GRK4: variants seen among roughly 807,000 people sequenced by gnomAD.
The protein encoded by GRK4 is G protein-coupled receptor kinase 2-like.
GRK4 carries 73 observed loss-of-function variants against 77.9 expected under a neutral mutation model. That is an observed-to-expected ratio of 0.94 (90% CI 0.78 to 1.14). The LOEUF (loss-of-function observed/expected upper bound fraction) is 1.14, where lower values mean the gene tolerates loss of function less well. GRK4 is among the 50% of genes most tolerant of loss of function. GRK4 has a pLI of 0.00. For synonymous variants in GRK4, 257 were observed against 254.4 expected (o/e 1.01, Z -0.10); for missense variants, 729 against 700.2 (o/e 1.04, Z -0.46).
At position 3,037,453 on chromosome 4, in the gene GRK4, A is replaced by T. The variant is rs1578427940; in HGVS notation, c.1487A>T (p.Asp496Val). Residue 496 changes from aspartate to valine, a missense_variant, in exon 14 of 16, where the codon GAT (aspartate) becomes GTT (valine). Coordinates refer to ENST00000398052, the MANE Select transcript of GRK4 (RefSeq NM_182982.3). ...AAAGGGATCTACCTGGACACCGCAG[A>T]TGAAGACTTCTATGCTCGGTTTGCT... Reference protein sequence around the residue: ...VVKGIYLDTADEDFYARFATG... With the variant: ...VVKGIYLDTAVEDFYARFATG... 1.2e-6 allele frequency: 2 copies of T among 1,612,316 alleles called. No individual in the cohort carries two copies. Among genetic ancestry groups the T allele is most frequent in the East Asian group, 2.2e-5 (1 of 44,826 alleles).
intron 3 of GRK4, among the ~76,000 whole-genome samples, chr4:2,990,840 G>A (rs956440478): frequency 6.6e-6 from 1 of 152,040 alleles, no homozygotes; most frequent in Non-Finnish European, 1.5e-5. Context: ...TTTTTTGATG[G>A]CAGTTGTGTA....
intron 14 of GRK4, among the ~76,000 whole-genome samples, chr4:3,038,078 C>G (rs1046286593): frequency 1.3e-5 from 2 of 152,208 alleles, no homozygotes; most frequent in Admixed American, 6.5e-5. Context: ...CTGATGGGAG[C>G]TTGCCTGCCA....
chr4:2,963,679 A>G lies in GRK4; in HGVS notation c.-392A>G. On this transcript the variant is annotated 5_prime_UTR_variant, in exon 1 of 16. Transcript: ENST00000398052. ...GCCGCGGCGGGCGCCCCTGCCAGTG[A>G]GCCCCTGTCCGAAGTGAGCCACGGC... The G allele has an allele frequency of 3.0e-6, 1 of 337,900 alleles. No individual in the cohort carries two copies. The highest frequency in any genetic ancestry group is 5.3e-6 in the Non-Finnish European group (1 of 187,270). The allele number at this position is 337,900 out of a possible 1,614,324, so 20.9% of individuals were successfully genotyped here.
At chr4:3,004,108 T>G (rs753784658) in intron 4 of GRK4, 123 bp from the exon 5 acceptor site, 72 of 712,840 alleles carry the variant, frequency 1.0e-4, no homozygotes, top group Non-Finnish European at 1.7e-4. Context: ...AGGGTCCAGG[T>G]GGCACTTTGA....
intron 4 of GRK4, among the ~76,000 whole-genome samples, chr4:3,003,450 C>G (rs6812433): frequency 0.021 from 3,176 of 152,170 alleles, 95 homozygotes; most frequent in African/African-American, 0.067. Context: ...CTCTGCCTCC[C>G]AAAGTGCTGG....
chr4:2,980,147 G>A (rs1722460869), intron 1 of GRK4, among the ~76,000 whole-genome samples: 1 of 152,176 alleles, frequency 6.6e-6, no homozygotes, highest in South Asian at 2.1e-4. Flanking sequence ...CCAGAGCCTG[G>A]ACAGTGCCTG....
intron 3 of GRK4, among the ~76,000 whole-genome samples, chr4:2,991,587 T>C (rs965934303): frequency 1.3e-5 from 2 of 152,242 alleles, no homozygotes; most frequent in African/African-American, 4.8e-5. Context: ...CTCGGCTCAC[T>C]GCAACCTCCG....
At chr4:3,006,763 A>C (rs1421427283) in intron 5 of GRK4, among the ~76,000 whole-genome samples, 2 of 151,712 alleles carry the variant, frequency 1.3e-5, no homozygotes, top group Admixed American at 1.3e-4. Context: ...ACAGAGCCAG[A>C]CCAAAAAAAA....
chr4:2,969,223 T>C (rs189846723), intron 1 of GRK4: 2 of 152,296 alleles, frequency 1.3e-5, no homozygotes, highest in African/African-American at 4.8e-5. Flanking sequence ...TGAAATTCCC[T>C]AGCTGAGGAA....
At chr4:2,987,000 A>G (rs968156874) in intron 2 of GRK4, 3 of 365,836 alleles carry the variant, frequency 8.2e-6, no homozygotes, top group Non-Finnish European at 1.6e-5. Flanking sequence ...TTTAAAGTAT[A>G]TAATTCAATA....
chr4:3,010,372 A>T (rs1714052198), intron 7 of GRK4, among the ~76,000 whole-genome samples: 1 of 152,092 alleles, frequency 6.6e-6, no homozygotes, highest in Non-Finnish European at 1.5e-5. Context: ...TATTACAGGC[A>T]TGCGCCACCA....
chr4:3,005,017 C>G (rs1298576915), intron 5 of GRK4, among the ~76,000 whole-genome samples: 1 of 151,972 alleles, frequency 6.6e-6, no homozygotes, highest in African/African-American at 2.4e-5. Flanking sequence ...GTGGTGACTC[C>G]AGGCCCTCTC....
chr4:2,969,693 A>G lies in GRK4; in HGVS notation c.52+5571A>G, dbSNP rs1199675171. Among the ~76,000 whole-genome samples, 7 of 149,598 alleles carry G rather than the reference A, an allele frequency of 4.7e-5. No individual in the cohort carries two copies. The South Asian group carries it at 1.0e-3, about 22-fold the overall frequency. On this transcript the variant is annotated intron_variant, in intron 1 of 15. Transcript: ENST00000398052. ...TGCCCAGCCTTTTTTTTTTTTAAAG[A>G]CAGGGTCTCACTCTGTTACCCCGCT... is the stretch of plus-strand genomic sequence containing the variant.
intron 8 of GRK4, among the ~76,000 whole-genome samples, chr4:3,016,379 G>T (rs1734490401): frequency 6.6e-6 from 1 of 151,728 alleles, no homozygotes; most frequent in Admixed American, 6.6e-5. Flanking sequence ...AGCTGGGTGT[G>T]TGGTGGCGAG....
At chr4:3,005,454 G>A (rs1226197524) in intron 5 of GRK4, among the ~76,000 whole-genome samples, 2 of 151,934 alleles carry the variant, frequency 1.3e-5, no homozygotes, top group Admixed American at 6.6e-5. Flanking sequence ...AGTGCAGTCC[G>A]AGCATAGTGG....
intron 9 of GRK4, among the ~76,000 whole-genome samples, chr4:3,022,187 CT>C (rs1736272444): frequency 1.3e-5 from 2 of 152,212 alleles, no homozygotes. Context: ...GTCTTCAAAT[CT>C]GTATAACTAT....
chr4:2,987,653 A>G (rs1401083958), intron 2 of GRK4, among the ~76,000 whole-genome samples: 1 of 152,172 alleles, frequency 6.6e-6, no homozygotes, highest in African/African-American at 2.4e-5. Flanking sequence ...CAGAAGCAGA[A>G]TTGTTGGCCA....
At chr4:3,029,507 C>A in intron 12 of GRK4, 98 bp downstream of exon 12, 1 of 997,686 alleles carries the variant, frequency 1.0e-6, no homozygotes, top group Non-Finnish European at 1.5e-6. Flanking sequence ...CTGTCATCTT[C>A]AGCAAGTCCT....
chr4:3,036,082 G>C (rs1226803081), intron 13 of GRK4, among the ~76,000 whole-genome samples: 2 of 152,194 alleles, frequency 1.3e-5, no homozygotes, highest in Non-Finnish European at 2.9e-5. Flanking sequence ...TGACCTCCCA[G>C]AATGCTGGGA....
Sources: allele counts gnomAD v4.1 joint callset (sites outside exome capture counted in the v4.1 genomes callset), GRCh38; gene constraint gnomAD v4.1.1; transcripts MANE v1.5; gene names NCBI Gene and HGNC (gene_info 2026-07-23, HGNC 2026-07-21).